RBM20: variants seen among roughly 807,000 people sequenced by gnomAD.
RBM20 encodes RNA-binding protein 20.
A neutral mutation model predicts 110.1 loss-of-function variants in RBM20; 51 were observed. The ratio of observed to expected loss-of-function variants is 0.46; its 90% CI spans 0.37 to 0.59. The LOEUF (loss-of-function observed/expected upper bound fraction) is 0.59. Ranked by LOEUF, RBM20 falls within the 20% of genes least tolerant of loss-of-function variation. The probability of loss-of-function intolerance (pLI) is 0.00; values close to 1 mark genes in which losing one functional copy is unlikely to be tolerated. For synonymous variants in RBM20, 589 were observed against 618.2 expected (o/e 0.95, Z 0.70); for missense variants, 1,512 against 1,574.9 (o/e 0.96, Z 0.68).
chr10:110,783,302 C>A (rs375845976), intron 2 of RBM20, 64 bp from the exon 3 acceptor site: 1 of 1,289,444 alleles, frequency 7.8e-7, no homozygotes, highest in Non-Finnish European at 1.1e-6. Flanking sequence ...TGTCTCTGTG[C>A]TCATCCTTTG....
chr10:110,767,993 C>T (rs901729881), intron 1 of RBM20, among the ~76,000 whole-genome samples: 1 of 152,242 alleles, frequency 6.6e-6, no homozygotes, highest in African/African-American at 2.4e-5. Flanking sequence ...CTCGGTAGGC[C>T]GAGGCTGGCG....
At chr10:110,710,261 A>G (rs556362738) in intron 1 of RBM20, among the ~76,000 whole-genome samples, 6 of 152,340 alleles carry the variant, frequency 3.9e-5, no homozygotes, top group Admixed American at 3.9e-4. Context: ...GCTGGTGGTC[A>G]TGCTGAACTG....
chr10:110,727,741 A>G (rs1178358064), intron 1 of RBM20, among the ~76,000 whole-genome samples: 1 of 152,124 alleles, frequency 6.6e-6, no homozygotes, highest in Non-Finnish European at 1.5e-5. Context: ...TCATTAGCCC[A>G]TCATCTAGGT....
At chr10:110,651,525 G>T (rs7910705) in intron 1 of RBM20, among the ~76,000 whole-genome samples, 3 of 152,062 alleles carry the variant, frequency 2.0e-5, no homozygotes, top group Admixed American at 2.0e-4. Context: ...CTTTCAGCTT[G>T]GGAGACAGAG....
chr10:110,820,753 A>AAATCTG (rs1844897727), intron 10 of RBM20, among the ~76,000 whole-genome samples: 1 of 152,176 alleles, frequency 6.6e-6, no homozygotes, highest in South Asian at 2.1e-4. Flanking sequence ...AGGGAAGCTG[A>AAATCTG]TCTCCTAAAT....
rs1356157643 is a variant in RBM20 at position 110,812,552 on chromosome 10, G to C, written c.2155G>C (p.Asp719His). ...HDRKHHPRQLDKAELDERPEG... is the reference protein window; with the variant it reads ...HDRKHHPRQLHKAELDERPEG... ...TCGCAAACACCACCCCCGGCAACTG[G>C]ACAAGGCTGAGTTGGACGAGCGACC... is the stretch of plus-strand genomic sequence containing the variant. The change falls in exon 9 of 14, where the codon GAC becomes CAC. Residue 719 changes from aspartate to histidine, a missense_variant. By Grantham distance (81) the Asp-to-His change is moderately conservative (BLOSUM62 -1). This residue lies in a region of RBM20 where 1,149 missense variants were observed against 1,169.4 expected (regional missense o/e 0.98). Coordinates refer to ENST00000369519, the MANE Select transcript of RBM20 (RefSeq NM_001134363.3). 1.3e-6 allele frequency: 2 copies of C among 1,551,750 alleles called. No homozygotes were observed. The highest frequency in any genetic ancestry group is 8.7e-7 in the Non-Finnish European group (1 of 1,147,006).
At chr10:110,824,453 C>A (rs1844957738) in intron 12 of RBM20, among the ~76,000 whole-genome samples, 1 of 152,130 alleles carries the variant, frequency 6.6e-6, no homozygotes, top group South Asian at 2.1e-4. Flanking sequence ...AACAGGGAGA[C>A]CTGGGTTTCT....
chr10:110,792,774 G>A (rs1306891206), intron 5 of RBM20, among the ~76,000 whole-genome samples: 1 of 152,176 alleles, frequency 6.6e-6, no homozygotes, highest in Non-Finnish European at 1.5e-5. Context: ...TCATAAACAA[G>A]GTGCTCACTG....
chr10:110,786,378 C>G (rs553870435), intron 5 of RBM20, among the ~76,000 whole-genome samples: 2 of 152,288 alleles, frequency 1.3e-5, no homozygotes, highest in South Asian at 4.2e-4. Context: ...AGCATCAGGC[C>G]AGTAAGCTGT....
At chr10:110,693,335 G>A (rs1174515832) in intron 1 of RBM20, among the ~76,000 whole-genome samples, 2 of 152,130 alleles carry the variant, frequency 1.3e-5, no homozygotes, top group East Asian at 3.8e-4. Flanking sequence ...AGAAAGATTG[G>A]TGTTAATTCT....
intron 1 of RBM20, among the ~76,000 whole-genome samples, chr10:110,672,599 C>G (rs1862278528): frequency 6.6e-6 from 1 of 152,250 alleles, no homozygotes; most frequent in Admixed American, 6.5e-5. Flanking sequence ...GGTTCTCCAG[C>G]GACCCCTGAA....
chr10:110,776,456 G>T (rs541764519), intron 1 of RBM20, among the ~76,000 whole-genome samples: 1 of 152,310 alleles, frequency 6.6e-6, no homozygotes, highest in South Asian at 2.1e-4. Flanking sequence ...CCTTCTGGAG[G>T]CTCTAAGGGA....
intron 1 of RBM20, among the ~76,000 whole-genome samples, chr10:110,711,884 T>A (rs1862935338): frequency 6.6e-6 from 1 of 152,216 alleles, no homozygotes; most frequent in Non-Finnish European, 1.5e-5. Flanking sequence ...TATCCTTTTT[T>A]TTTCTCTGTC....
intron 1 of RBM20, among the ~76,000 whole-genome samples, chr10:110,727,008 G>A (rs563723044): frequency 3.3e-5 from 5 of 151,914 alleles, no homozygotes; most frequent in East Asian, 3.9e-4. Flanking sequence ...CACACTGCCC[G>A]GCTGATTTTT....
rs1054952013 is a variant in RBM20, at chr10:110,837,716, CAT to C, written c.*1740_*1741del. On this transcript the variant is annotated 3_prime_UTR_variant, in exon 14 of 14. Transcript: ENST00000369519. ...GCACACAAAGGGAACAAATGAAGAA[CAT>C]AAAATGATCAGTGTAAACCTGAAAG... 1 of 152,216 alleles carries C rather than the reference CAT, an allele frequency of 6.6e-6. No individual in the cohort carries two copies. Among genetic ancestry groups the C allele is most frequent in the Non-Finnish European group, 1.5e-5 (1 of 68,056 alleles). The allele number at this position is 152,216 out of a possible 1,614,324, so 9.4% of individuals were successfully genotyped here. A position where few individuals can be genotyped will look rare whatever the true frequency, so the allele number is the denominator to read the frequency against.
chr10:110,784,953 GTTTA>G (rs1234534621), intron 5 of RBM20, 64 bp downstream of exon 5: 2 of 1,107,356 alleles, frequency 1.8e-6, no homozygotes, highest in Non-Finnish European at 2.6e-6. Flanking sequence ...TTATTTGTTT[GTTTA>G]TTTGAGACAG....
intron 1 of RBM20, among the ~76,000 whole-genome samples, chr10:110,777,618 G>A (rs572697241): frequency 9.2e-5 from 14 of 152,272 alleles, no homozygotes; most frequent in South Asian, 4.1e-4. Flanking sequence ...ATGGGTTAAC[G>A]TCTGTAACCT....
Position 110,719,470 on chromosome 10 carries a change from A to G in RBM20, c.192-61331A>G, listed in dbSNP as rs11816380. On this transcript the variant is annotated intron_variant, in intron 1 of 13. Coordinates refer to ENST00000369519, the MANE Select transcript of RBM20 (RefSeq NM_001134363.3). ...TCCTAACAGGTCTCACTGCCATGCT[A>G]TTGATGTTGTAAATATTGCTTTTGG... Among the ~76,000 whole-genome samples the G allele has an allele frequency of 6.4e-3, 973 of 152,200 alleles. 9 individuals are homozygous for G. The highest frequency in any genetic ancestry group is 0.022 in the African/African-American group (915 of 41,516).
intron 1 of RBM20, among the ~76,000 whole-genome samples, chr10:110,734,459 G>A (rs1333537738): frequency 6.6e-6 from 1 of 152,122 alleles, no homozygotes; most frequent in Non-Finnish European, 1.5e-5. Context: ...AACTACAGGT[G>A]TCACTGGAAA....
Sources: gnomAD v4.1 joint callset for allele counts (sites outside exome capture counted in the v4.1 genomes callset) on GRCh38, gnomAD v4.1.1 for gene constraint, gnomAD v4.1.1 regional missense constraint, MANE v1.5 for transcripts, NCBI Gene and HGNC (gene_info 2026-07-23, HGNC 2026-07-21) for gene names.